ZNF570: variants seen among roughly 807,000 people sequenced by gnomAD.
The protein encoded by ZNF570 is zinc finger protein 570.
A neutral mutation model predicts 14.2 loss-of-function variants in ZNF570; 8 were observed. That is an observed-to-expected ratio of 0.56 (90% CI 0.33 to 1.02). ZNF570 has a LOEUF of 1.02. Ranked by LOEUF, ZNF570 falls within the 50% of genes least tolerant of loss-of-function variation. The probability of loss-of-function intolerance (pLI) is 0.03; values close to 1 mark genes in which losing one functional copy is unlikely to be tolerated. For missense variants in ZNF570, 559 were observed against 624.9 expected (o/e 0.89, Z 1.12); for synonymous variants, 202 against 207.6 (o/e 0.97, Z 0.23).
At chr19:37,476,040 G>A in intron 3 of ZNF570, 33 bp downstream of exon 3, 2 of 1,571,600 alleles carry the variant, frequency 1.3e-6, no homozygotes, top group Non-Finnish European at 1.7e-6. Context: ...CTGAGCTTCT[G>A]CTCAAAAGGG....
chr19:37,485,387 GC>G lies in ZNF570; in HGVS notation c.*155del. 1.5e-6 allele frequency: 1 copy of G among 689,056 alleles called. No individual in the cohort carries two copies. Among genetic ancestry groups the G allele is most frequent in the South Asian group, 3.3e-5 (1 of 29,910 alleles). The allele number at this position is 689,056 out of a possible 1,614,324, so 42.7% of individuals were successfully genotyped here. On this transcript the variant is annotated 3_prime_UTR_variant, in exon 5 of 5. Transcript: ENST00000330173. Reference sequence around the variant, plus strand: ...TACCTTTAAATCCATTTCCCACAATGCACTCAAACGGATCTTTTTTTTCTTT... The same window carrying G: ...TACCTTTAAATCCATTTCCCACAATGACTCAAACGGATCTTTTTTTTCTTT...
chr19:37,484,122 C>T lies in ZNF570; in HGVS notation c.500C>T (p.Ser167Phe). ...GATGAGAGAGAACAAGAATATAAATCTTGGGGAAGTTTTCATCAGAACCCA... is the reference window on the plus strand; with the variant it reads ...GATGAGAGAGAACAAGAATATAAATTTTGGGGAAGTTTTCATCAGAACCCA... ...LFDEREQEYKSWGSFHQNPLL... is the reference protein window; with the variant it reads ...LFDEREQEYKFWGSFHQNPLL... Residue 167 changes from serine (S) to phenylalanine (F), a missense_variant, in exon 5 of 5, where the codon TCT (serine) becomes TTT (phenylalanine). Coordinates refer to ENST00000330173, the MANE Select transcript of ZNF570 (RefSeq NM_144694.5). 1 of 1,613,952 alleles carries T rather than the reference C, an allele frequency of 6.2e-7. No homozygotes were observed. Among genetic ancestry groups the T allele is most frequent in the Non-Finnish European group, 8.5e-7 (1 of 1,179,976 alleles).
chr19:37,469,193 T>A (rs1020117200), upstream of ZNF570: 3 of 1,248,548 alleles, frequency 2.4e-6, no homozygotes, highest in East Asian at 3.9e-5. Context: ...GAGGACCTGG[T>A]GGGGAGGAGG....
Position 37,484,221 on chromosome 19 carries a change from A to C in ZNF570, c.599A>C (p.Lys200Thr). 1 of 1,614,000 alleles carries C rather than the reference A, an allele frequency of 6.2e-7. No homozygotes were observed. The highest frequency in any genetic ancestry group is 8.5e-7 in the Non-Finnish European group (1 of 1,180,018). ...CATGACACACAAAAGAGAAGCTTTA[A>C]AAAAAATTTAATGGCTATTAAGCCC... ...HKHDTQKRSF[K>T]KNLMAIKPKS... is the part of the protein sequence containing the mutation. The change falls in exon 5 of 5, where the codon AAA becomes ACA. Residue 200 changes from lysine (K) to threonine (T), a missense_variant. Lys to Thr is a moderately conservative substitution (Grantham distance 78). Transcript: ENST00000330173.
At chr19:37,474,305 TTA>T (rs556887635) in intron 2 of ZNF570, among the ~76,000 whole-genome samples, 29 of 152,312 alleles carry the variant, frequency 1.9e-4, no homozygotes, top group Non-Finnish European at 3.8e-4. Context: ...TATACATTTA[TTA>T]TATGTATTTA....
chr19:37,475,842 A>C, intron 2 of ZNF570, 39 bp from the exon 3 acceptor site: 1 of 1,585,094 alleles, frequency 6.3e-7, no homozygotes, highest in Non-Finnish European at 8.6e-7. Flanking sequence ...TGAGGTGAAT[A>C]TGGTAAGAGA....
rs1030981055 is a variant in ZNF570, at chr19:37,488,627, C to CA, written c.*3401dup. 6.0e-5 allele frequency: 9 copies of CA among 150,000 alleles called. No individual in the cohort carries two copies. Among genetic ancestry groups the CA allele is most frequent in the African/African-American group, 1.7e-4 (7 of 41,014 alleles). 9.3% of individuals were successfully genotyped at this position (150,000 alleles called of 1,614,324 possible). On this transcript the variant is annotated 3_prime_UTR_variant, in exon 5 of 5. Transcript: ENST00000330173. ...TTTCTGTATAAACTATTTCATAATG[C>CA]AAAAAAATAAAGAATATTTAAATGA...
intron 4 of ZNF570, among the ~76,000 whole-genome samples, chr19:37,477,939 ATC>A (rs1389436782): frequency 6.6e-6 from 1 of 152,044 alleles, no homozygotes; most frequent in African/African-American, 2.4e-5. Flanking sequence ...AGTTTCATTG[ATC>A]TCTGTTTCCT....
Position 37,471,204 on chromosome 19 carries a change from G to A in ZNF570, c.33+817G>A, listed in dbSNP as rs577077591. Among the ~76,000 whole-genome samples the A allele has an allele frequency of 5.2e-4, 79 of 151,192 alleles. 2 individuals carry two copies. Among genetic ancestry groups the A allele is most frequent in the Admixed American group, 3.7e-3 (56 of 15,152 alleles). ...AATTTTTTGTATTTTTAGTAGAGAC[G>A]GGATTTCACCATGTTAGCCAGGATG... On this transcript the variant is annotated intron_variant, in intron 2 of 4. Coordinates refer to ENST00000330173, the MANE Select transcript of ZNF570 (RefSeq NM_144694.5).
At position 37,485,166 on chromosome 19, in the gene ZNF570, A is replaced by G; in HGVS notation, c.1544A>G (p.His515Arg). 1 of 1,597,382 alleles carries G rather than the reference A, an allele frequency of 6.3e-7. No homozygotes were observed. Among genetic ancestry groups the G allele is most frequent in the Non-Finnish European group, 8.5e-7 (1 of 1,171,666 alleles). The change falls in exon 5 of 5, where the codon CAT (histidine) becomes CGT (arginine). Residue 515 changes from histidine (H) to arginine (R), a missense_variant. His to Arg is a conservative substitution (Grantham distance 29, BLOSUM62 0). Coordinates refer to ENST00000330173, the MANE Select transcript of ZNF570 (RefSeq NM_144694.5). ...TTCAGGCAGCATGCACACCTTGCTC[A>G]TCACCAGAGAATTCACATTGGGGAG... ...KTFRQHAHLA[H>R]HQRIHIGESL...
rs140841927 is a variant in ZNF570, at chr19:37,485,040, C to A, written c.1418C>A (p.Thr473Asn). ...ACTGGAGAGAAACCTTATGAATGTA[C>A]TGTTTGTGGAAAGGCTTTTAGTTAC... Reference protein sequence around the residue: ...VHTGEKPYECTVCGKAFSYCG... With the variant: ...VHTGEKPYECNVCGKAFSYCG... The change falls in exon 5 of 5, where the codon ACT becomes AAT. Residue 473 changes from threonine to asparagine, a missense_variant. By Grantham distance (65) the Thr-to-Asn change is moderately conservative. Coordinates refer to ENST00000330173, the MANE Select transcript of ZNF570 (RefSeq NM_144694.5). 6.2e-7 allele frequency: 1 copy of A among 1,613,504 alleles called. No individual in the cohort carries two copies. The highest frequency in any genetic ancestry group is 8.5e-7 in the Non-Finnish European group (1 of 1,179,950).
chr19:37,470,770 G>C (rs2041947342), intron 2 of ZNF570, among the ~76,000 whole-genome samples: 1 of 144,380 alleles, frequency 6.9e-6, no homozygotes, highest in Non-Finnish European at 1.5e-5. Context: ...GCGCAATATG[G>C]CTCACGGCAA....
chr19:37,475,756 TACAAATATGATA>T, intron 2 of ZNF570, 113 bp from the exon 3 acceptor site: 2 of 925,670 alleles, frequency 2.2e-6, no homozygotes, highest in Non-Finnish European at 3.2e-6. Flanking sequence ...AGGCCCTGAG[TACAAATATGATA>T]ACATGGTTAC....
intron 1 of ZNF570, 108 bp downstream of exon 1, chr19:37,469,665 G>C: frequency 8.7e-7 from 1 of 1,154,270 alleles, no homozygotes; most frequent in South Asian, 1.4e-5. Context: ...TGTGAGTTGA[G>C]GCGGGAGCGG....
In ZNF570 at chr19:37,486,509, A is replaced by T. The variant is rs543837213; in HGVS notation, c.*1276A>T. On this transcript the variant is annotated 3_prime_UTR_variant, in exon 5 of 5. Coordinates refer to ENST00000330173, the MANE Select transcript of ZNF570 (RefSeq NM_144694.5). ...GATATTCAATAAATGATAATAGCTA[A>T]CATGTATTGAGTGCCCACTACACAT... The T allele has an allele frequency of 6.6e-6, 1 of 152,348 alleles. No individual in the cohort carries two copies. The highest frequency in any genetic ancestry group is 1.9e-4 in the East Asian group (1 of 5,194). 9.4% of individuals were successfully genotyped at this position (152,348 alleles called of 1,614,324 possible).
At position 37,487,974 on chromosome 19, in the gene ZNF570, A is replaced by G. The variant is rs893915569; in HGVS notation, c.*2741A>G. The G allele has an allele frequency of 2.0e-5, 3 of 152,240 alleles. No homozygotes were observed. Among genetic ancestry groups the G allele is most frequent in the Non-Finnish European group, 2.9e-5 (2 of 68,046 alleles). 9.4% of individuals were successfully genotyped at this position (152,240 alleles called of 1,614,324 possible). On this transcript the variant is annotated 3_prime_UTR_variant, in exon 5 of 5. Transcript: ENST00000330173. ...CATTGGCAAAAGCATTAGAGTGCCA[A>G]TTACTGGAAAGATGTGGAGCAATAG... is the stretch of plus-strand genomic sequence containing the variant.
At chr19:37,472,138 C>G (rs986279275) in intron 2 of ZNF570, among the ~76,000 whole-genome samples, 1 of 152,038 alleles carries the variant, frequency 6.6e-6, no homozygotes, top group Non-Finnish European at 1.5e-5. Context: ...ATCTCTTGAC[C>G]TTGTGATCCG....
At chr19:37,474,967 GT>G (rs11285183) in intron 2 of ZNF570, among the ~76,000 whole-genome samples, 58,180 of 138,380 alleles carry the variant, frequency 0.42, 11,719 homozygotes, top group African/African-American at 0.56. Flanking sequence ...TTTTGTTTTT[GT>G]TTTTTTTTTT....
At chr19:37,477,059 AC>A (rs2147011866) in intron 4 of ZNF570, among the ~76,000 whole-genome samples, 1 of 152,140 alleles carries the variant, frequency 6.6e-6, no homozygotes, top group African/African-American at 2.4e-5. Context: ...AGCCTTGGGG[AC>A]TGAGTCCTCA....
Sources: gnomAD v4.1 joint callset for allele counts (sites outside exome capture counted in the v4.1 genomes callset) on GRCh38, gnomAD v4.1.1 for gene constraint, MANE v1.5 for transcripts, NCBI Gene and HGNC (gene_info 2026-07-23, HGNC 2026-07-21) for gene names.